The following GLB1 variants were observed in gnomAD, a reference collection of about 807,000 sequenced individuals.
GLB1 encodes beta-galactosidase.
A neutral mutation model predicts 74.0 loss-of-function variants in GLB1; 56 were observed. The observed-to-expected ratio is 0.76, with a 90% CI of 0.61 to 0.94. The LOEUF is 0.94. GLB1 is among the 40% of genes least tolerant of loss of function. The pLI is 0.00. For missense variants in GLB1, 787 were observed against 845.5 expected, an observed-to-expected ratio of 0.93 and a Z score of 0.86; for synonymous variants, 323 against 323.6, an observed-to-expected ratio of 1.00 and a Z score of 0.02.
At chr3:33,003,483 G>A (rs1696660293) in intron 15 of GLB1, among the ~76,000 whole-genome samples, 1 of 152,186 alleles carries the variant, frequency 6.6e-6, no homozygotes, top group Non-Finnish European at 1.5e-5. Flanking sequence ...AACAAGTTTT[G>A]TTGCTAAATT....
Position 32,996,780 on chromosome 3 carries a change from TA to T in GLB1, c.*264del. 2.0e-6 allele frequency: 1 copy of T among 501,530 alleles called. No individual in the cohort carries two copies. The highest frequency in any genetic ancestry group is 3.5e-6 in the Non-Finnish European group (1 of 282,596). 31.1% of individuals were successfully genotyped at this position (501,530 alleles called of 1,614,324 possible). The stretch of plus-strand genomic sequence containing the variant: ...AAAAGGTAACATGATTCTTCCAAAA[TA>T]AAAATCACTACCACCTTTAAAGCTT... On this transcript the variant is annotated 3_prime_UTR_variant, in exon 16 of 16. Coordinates refer to ENST00000307363, the MANE Select transcript of GLB1 (RefSeq NM_000404.4).
In GLB1 at chr3:33,018,454, C is replaced by T; in HGVS notation, c.1341G>A (p.Val447=). 6.2e-7 allele frequency: 1 copy of T among 1,614,058 alleles called. No individual in the cohort carries two copies. Among genetic ancestry groups the T allele is most frequent in the Non-Finnish European group, 8.5e-7 (1 of 1,180,026 alleles). ...GTTCAGAGACGATTCTTACCCCATCCACAGCAACATATGCTCGATCGTGGA... is the reference window on the plus strand; with the variant it reads ...GTTCAGAGACGATTCTTACCCCATCTACAGCAACATATGCTCGATCGTGGA... ...NGVHDRAYVA[V]DGIPQGVLER... is the part of the protein sequence containing the mutation. The change falls in exon 13 of 16, where the codon GTG becomes GTA. Residue 447 remains valine (V), a synonymous_variant. Coordinates refer to ENST00000307363, the MANE Select transcript of GLB1 (RefSeq NM_000404.4).
intron 10 of GLB1, among the ~76,000 whole-genome samples, chr3:33,026,006 G>C (rs906154786): frequency 9.2e-5 from 14 of 152,176 alleles, no homozygotes; most frequent in Non-Finnish European, 1.6e-4. Flanking sequence ...ACCCGCTGGT[G>C]GGGGAGCAGC....
At chr3:33,094,073 A>T (rs1166365050) in intron 1 of GLB1, 2 of 1,614,234 alleles carry the variant, frequency 1.2e-6, no homozygotes, top group East Asian at 2.2e-5. Context: ...GAAGCAGCCA[A>T]CGCCAGGCCC....
chr3:32,984,601 G>T, the GLB1 span, among the ~76,000 whole-genome samples: 1 of 151,734 alleles, frequency 6.6e-6, no homozygotes, highest in Admixed American at 6.6e-5. Flanking sequence ...AACATAGTGA[G>T]ACCAAGTTTC....
intron 1 of GLB1, among the ~76,000 whole-genome samples, chr3:33,086,980 T>C (rs1336380434): frequency 8.3e-6 from 1 of 119,902 alleles, no homozygotes; most frequent in Non-Finnish European, 1.8e-5. Flanking sequence ...AGAAAGATAG[T>C]AGGAAAAAAA....
rs750042834 is a variant in GLB1 at position 33,053,560 on chromosome 3, T to C, written c.734-11A>G. On this transcript the variant is annotated splice_polypyrimidine_tract_variant and intron_variant, in intron 6 of 15. Transcript: ENST00000307363. ...CTGTGATGTTGCTGCCTGAAAATTG[T>C]AAGAGGGAGAAGGTAGGTCAGTCGT... The C allele has an allele frequency of 3.1e-6, 5 of 1,614,138 alleles. No homozygotes were observed. The East Asian group carries it at 8.9e-5, about 29-fold the overall frequency.
chr3:33,014,549 T>C (rs1241286621), intron 14 of GLB1, among the ~76,000 whole-genome samples: 1 of 152,228 alleles, frequency 6.6e-6, no homozygotes. Flanking sequence ...ATGATGTCTC[T>C]ATAAAAGGCC....
intron 6 of GLB1, among the ~76,000 whole-genome samples, chr3:33,054,499 G>A (rs1699137612): frequency 1.3e-5 from 2 of 152,174 alleles, no homozygotes; most frequent in South Asian, 4.1e-4. Flanking sequence ...CTCTTCACAA[G>A]AACATCTGGT....
chr3:33,004,183 C>G (rs1364949075), intron 15 of GLB1, among the ~76,000 whole-genome samples: 1 of 152,208 alleles, frequency 6.6e-6, no homozygotes, highest in Non-Finnish European at 1.5e-5. Context: ...TTGAACCCTG[C>G]TCAGTCGTGT....
At chr3:33,000,316 T>C (rs1263614750) in intron 15 of GLB1, among the ~76,000 whole-genome samples, 1 of 152,232 alleles carries the variant, frequency 6.6e-6, no homozygotes, top group African/African-American at 2.4e-5. Flanking sequence ...TGTCCAACTT[T>C]AGTGATACTA....
At chr3:33,092,555 T>G in intron 1 of GLB1, 1 of 1,197,004 alleles carries the variant, frequency 8.4e-7, no homozygotes, top group Non-Finnish European at 1.0e-6. Flanking sequence ...AGGTCCCCAT[T>G]CCACATCATC....
downstream of GLB1, among the ~76,000 whole-genome samples, chr3:32,992,978 C>T (rs954527276): frequency 6.6e-6 from 1 of 152,192 alleles, no homozygotes; most frequent in Admixed American, 6.5e-5. Context: ...GTCTGGACAT[C>T]GGGGCGATTT....
chr3:32,999,619 G>C (rs1319719412), intron 15 of GLB1, among the ~76,000 whole-genome samples: 1 of 152,174 alleles, frequency 6.6e-6, no homozygotes, highest in Non-Finnish European at 1.5e-5. Flanking sequence ...TTCTGGGTTA[G>C]CGTTGGTCAG....
chr3:33,050,482 G>A (rs188003545), intron 9 of GLB1, among the ~76,000 whole-genome samples: 7 of 152,312 alleles, frequency 4.6e-5, no homozygotes, highest in Non-Finnish European at 8.8e-5. Flanking sequence ...GCACTAGTAC[G>A]TGCAACAACG....
chr3:33,074,589 A>T (rs1179000114), intron 1 of GLB1, among the ~76,000 whole-genome samples: 1 of 151,522 alleles, frequency 6.6e-6, no homozygotes, highest in East Asian at 1.9e-4. Flanking sequence ...TTGAAAGGCA[A>T]GACCTCAACG....
chr3:33,081,351 A>C (rs1222145880), intron 1 of GLB1, among the ~76,000 whole-genome samples: 1 of 152,224 alleles, frequency 6.6e-6, no homozygotes, highest in African/African-American at 2.4e-5. Flanking sequence ...TTCTATTGGT[A>C]AGAGCCCAGT....
chr3:32,976,938 C>T, the GLB1 span, among the ~76,000 whole-genome samples: 1 of 152,074 alleles, frequency 6.6e-6, no homozygotes, highest in Admixed American at 6.6e-5. Flanking sequence ...TAGACCGCAC[C>T]TCCTCCTCCA....
rs376873894 is a variant in GLB1 at position 33,046,297 on chromosome 3, A to T, written c.956-65T>A. 309 of 1,582,852 alleles carry T rather than the reference A, an allele frequency of 2.0e-4. 3 individuals carry two copies. The South Asian group carries it at 3.3e-3, about 17-fold the overall frequency. ...GCAGCTCTGGGACAAGTTCTTTGGG[A>T]TCCATGAGCTCAGCACTGTAGAGAG... On this transcript the variant is annotated intron_variant, in intron 9 of 15. Transcript: ENST00000307363.
Sources: gnomAD v4.1 joint callset for allele counts (sites outside exome capture counted in the v4.1 genomes callset) on GRCh38, gnomAD v4.1.1 for gene constraint, MANE v1.5 for transcripts, NCBI Gene and HGNC (gene_info 2026-07-23, HGNC 2026-07-21) for gene names.